The following BRCA1 variants were observed in gnomAD, a reference collection of about 807,000 sequenced individuals.
BRCA1 encodes the protein breast cancer type 1 susceptibility protein.
A neutral mutation model predicts 173.7 loss-of-function variants in BRCA1; 140 were observed. The observed-to-expected ratio is 0.81, with a 90% CI of 0.70 to 0.93. The LOEUF (loss-of-function observed/expected upper bound fraction) is 0.93. Ranked by LOEUF, BRCA1 falls within the 40% of genes least tolerant of loss-of-function variation. The probability of loss-of-function intolerance (pLI) is 0.00; values close to 1 mark genes in which losing one functional copy is unlikely to be tolerated. For synonymous variants in BRCA1, 662 were observed against 756.0 expected, an observed-to-expected ratio of 0.88 and a Z score of 2.04; for missense variants, 1,983 against 2,172.5, an observed-to-expected ratio of 0.91 and a Z score of 1.73.
intron 2 of BRCA1, among the ~76,000 whole-genome samples, chr17:43,120,307 C>T (rs1376408733): frequency 1.3e-5 from 2 of 152,162 alleles, no homozygotes; most frequent in Non-Finnish European, 2.9e-5. Flanking sequence ...AAAACCTTAC[C>T]TACCCTATAG....
intron 3 of BRCA1, among the ~76,000 whole-genome samples, chr17:43,112,023 T>C (rs1226699047): frequency 6.6e-6 from 1 of 152,146 alleles, no homozygotes; most frequent in Non-Finnish European, 1.5e-5. Context: ...CAAAGTGTTA[T>C]TCAGATTATA....
At chr17:43,114,416 T>G (rs1372529957) in intron 3 of BRCA1, among the ~76,000 whole-genome samples, 6 of 143,750 alleles carry the variant, frequency 4.2e-5, no homozygotes, top group Non-Finnish European at 9.0e-5. Flanking sequence ...TGAGTCTCCC[T>G]CTTGTCGCCC....
chr17:43,062,426 A>C (rs945417372), intron 18 of BRCA1, among the ~76,000 whole-genome samples: 16 of 152,164 alleles, frequency 1.1e-4, no homozygotes, highest in African/African-American at 3.9e-4. Flanking sequence ...TTTCTTCAAC[A>C]ACAGTGAACA....
chr17:43,088,245 T>C (rs2053306336), intron 11 of BRCA1, among the ~76,000 whole-genome samples: 1 of 152,200 alleles, frequency 6.6e-6, no homozygotes, highest in Non-Finnish European at 1.5e-5. Context: ...ATTGCCACTA[T>C]CTATCTCCAG....
intron 2 of BRCA1, among the ~76,000 whole-genome samples, chr17:43,122,322 C>T (rs1400325671): frequency 1.3e-5 from 2 of 152,106 alleles, no homozygotes; most frequent in East Asian, 3.8e-4. Flanking sequence ...AATTAAAGAA[C>T]TAATTTAGTT....
chr17:43,105,998 G>A (rs921490674), intron 4 of BRCA1, among the ~76,000 whole-genome samples: 7 of 151,810 alleles, frequency 4.6e-5, no homozygotes, highest in African/African-American at 1.7e-4. Flanking sequence ...ATGGTAGCGT[G>A]TGCCTGTAGT....
At chr17:43,165,769 C>T (rs573881758) in intron 1 of BRCA1, 1 of 138,728 alleles carries the variant, frequency 7.2e-6, no homozygotes, top group South Asian at 2.6e-4. Context: ...TTTTCCAAAG[C>T]GAACCTTTTT....
intron 7 of BRCA1, among the ~76,000 whole-genome samples, chr17:43,098,690 T>C (rs1197663841): frequency 6.6e-6 from 1 of 151,230 alleles, no homozygotes; most frequent in African/African-American, 2.4e-5. Flanking sequence ...ATTTTAAAAA[T>C]AGAGACAGGG....
In BRCA1 at chr17:43,079,297, C is replaced by T. The variant is rs779149878; in HGVS notation, c.4358-2683G>A. Reference sequence around the variant, plus strand: ...AGAACCACCATCTTTCAGTAATTTGCCAAAATGACGAACACAAAGGGAAAG... The same window carrying T: ...AGAACCACCATCTTTCAGTAATTTGTCAAAATGACGAACACAAAGGGAAAG... On this transcript the variant is annotated intron_variant, in intron 12 of 22. Transcript: ENST00000357654. 10 of 1,531,296 alleles carry T rather than the reference C, an allele frequency of 6.5e-6. No individual in the cohort carries two copies. In the African/African-American group the frequency reaches 1.1e-4, roughly 17 times the overall value. 94.9% of individuals were successfully genotyped at this position (1,531,296 alleles called of 1,614,324 possible).
intron 13 of BRCA1, 52 bp from the exon 14 acceptor site, chr17:43,074,573 A>C: frequency 2.0e-6 from 3 of 1,516,176 alleles, no homozygotes; most frequent in Non-Finnish European, 2.7e-6. Context: ...GTGAAAGGAC[A>C]AATCATACTT....
chr17:43,100,685 A>ATAACATATATATATATAT (rs2054424750), intron 6 of BRCA1, among the ~76,000 whole-genome samples: 1 of 10,206 alleles, frequency 9.8e-5, no homozygotes, highest in African/African-American at 3.0e-4. Context: ...TATAATATAT[A>ATAACATATATATATATAT]TATATATATA....
upstream of BRCA1, among the ~76,000 whole-genome samples, chr17:43,129,762 C>T (rs183331563): frequency 6.6e-4 from 100 of 152,314 alleles, no homozygotes; most frequent in Middle Eastern, 0.014. Flanking sequence ...GCGTGAGCCA[C>T]CGCACCTGGC....
At position 43,117,171 on chromosome 17, in the gene BRCA1, G is replaced by C. The variant is rs1372585191; in HGVS notation, c.81-1392C>G. On this transcript the variant is annotated intron_variant, in intron 2 of 22. Transcript: ENST00000357654. ...AATGATAAGCTTAAGGCCGGGCATG[G>C]TGCCTCATGCCTGTAATCCTAGCAC... is the stretch of plus-strand genomic sequence containing the variant. Among the ~76,000 whole-genome samples, 6 of 152,214 alleles carry C rather than the reference G, an allele frequency of 3.9e-5. No homozygotes were observed. The East Asian group carries it at 9.6e-4, about 24-fold the overall frequency.
At chr17:43,051,529 G>T (rs2051236226) in intron 19 of BRCA1, among the ~76,000 whole-genome samples, 1 of 152,100 alleles carries the variant, frequency 6.6e-6, no homozygotes, top group South Asian at 2.1e-4. Context: ...AAAGTTATTG[G>T]CTGAAGTTTG....
chr17:43,050,010 A>G (rs2051140503), intron 20 of BRCA1: 1 of 398,454 alleles, frequency 2.5e-6, no homozygotes, highest in Non-Finnish European at 4.4e-6. Flanking sequence ...GAACTTGGAA[A>G]TTTCATAAAA....
intron 3 of BRCA1, among the ~76,000 whole-genome samples, chr17:43,108,808 C>G (rs1485926585): frequency 6.7e-6 from 1 of 148,252 alleles, no homozygotes; most frequent in Non-Finnish European, 1.5e-5. Context: ...GCCTGACCAA[C>G]ACGGAGAAAC....
At chr17:43,134,804 A>G (rs1343437869) in intron 1 of BRCA1, among the ~76,000 whole-genome samples, 8 of 152,156 alleles carry the variant, frequency 5.3e-5, no homozygotes, top group Admixed American at 6.5e-5. Context: ...CATACCCCCA[A>G]TAGCTGGTTT....
intron 19 of BRCA1, among the ~76,000 whole-genome samples, chr17:43,052,878 GTTT>G (rs1202201268): frequency 7.7e-6 from 1 of 130,368 alleles, no homozygotes; most frequent in Non-Finnish European, 1.6e-5. Flanking sequence ...AAGTCTGTGT[GTTT>G]TTTTTTTTTT....
At chr17:43,078,318 C>T (rs1338983554) in intron 12 of BRCA1, among the ~76,000 whole-genome samples, 1 of 152,148 alleles carries the variant, frequency 6.6e-6, no homozygotes, top group African/African-American at 2.4e-5. Flanking sequence ...CTCCTGACCT[C>T]AGGTGATCCG....
Sources: gnomAD v4.1 joint callset for allele counts (sites outside exome capture counted in the v4.1 genomes callset) on GRCh38, gnomAD v4.1.1 for gene constraint, MANE v1.5 for transcripts, NCBI Gene and HGNC (gene_info 2026-07-23, HGNC 2026-07-21) for gene names.